ABHD12: variants seen among roughly 807,000 people sequenced by gnomAD.
ABHD12 encodes the protein lysophosphatidylserine lipase ABHD12.
In ABHD12, 43 loss-of-function variants were observed where a neutral mutation model predicts 58.3. The observed-to-expected ratio is 0.74, with a 90% CI of 0.58 to 0.95. The LOEUF (loss-of-function observed/expected upper bound fraction) is 0.95. ABHD12 is among the 40% of genes least tolerant of loss of function. The probability of loss-of-function intolerance (pLI) is 0.00; values close to 1 mark genes in which losing one functional copy is unlikely to be tolerated. For missense variants in ABHD12, 539 were observed against 537.2 expected (o/e 1.00, Z -0.03); for synonymous variants, 219 against 211.2 (o/e 1.04, Z -0.32).
chr20:25,297,171 G>C (rs1220276762), downstream of ABHD12: 1 of 152,756 alleles, frequency 6.5e-6, no homozygotes, highest in East Asian at 1.9e-4. Flanking sequence ...GTGGGTGCTT[G>C]GAACCCGGGA....
intron 1 of ABHD12, among the ~76,000 whole-genome samples, chr20:25,351,440 T>C (rs1279966048): frequency 2.0e-5 from 3 of 152,234 alleles, no homozygotes; most frequent in Non-Finnish European, 2.9e-5. Flanking sequence ...ACAGTGTGTG[T>C]CTTGTTCCCA....
chr20:25,349,761 G>A (rs913611360), intron 1 of ABHD12, among the ~76,000 whole-genome samples: 2 of 152,166 alleles, frequency 1.3e-5, no homozygotes, highest in African/African-American at 4.8e-5. Flanking sequence ...AAATGGGGAG[G>A]TATTGCTTAA....
chr20:25,343,983 G>A (rs2146045809), intron 1 of ABHD12, among the ~76,000 whole-genome samples: 1 of 152,176 alleles, frequency 6.6e-6, no homozygotes, highest in South Asian at 2.1e-4. Context: ...ATCAATTAAT[G>A]TAATACATCA....
At chr20:25,361,344 T>C (rs560213394) in intron 1 of ABHD12, among the ~76,000 whole-genome samples, 13 of 152,346 alleles carry the variant, frequency 8.5e-5, no homozygotes, top group African/African-American at 3.1e-4. Context: ...TCCACTTAAA[T>C]ATTATGTCTC....
At chr20:25,359,884 A>G (rs1331935449) in intron 1 of ABHD12, among the ~76,000 whole-genome samples, 1 of 152,192 alleles carries the variant, frequency 6.6e-6, no homozygotes, top group Non-Finnish European at 1.5e-5. Context: ...AACTTTTTAT[A>G]TTAAGGATGC....
intron 1 of ABHD12, among the ~76,000 whole-genome samples, chr20:25,373,547 A>G (rs554113344): frequency 6.7e-6 from 1 of 148,850 alleles, no homozygotes; most frequent in South Asian, 2.1e-4. Flanking sequence ...ACACCGTCTC[A>G]AAAAAAAAAA....
At chr20:25,296,150 C>T (rs1399764595), downstream of ABHD12, among the ~76,000 whole-genome samples, 1 of 152,154 alleles carries the variant, frequency 6.6e-6, no homozygotes, top group Non-Finnish European at 1.5e-5. Context: ...CTGGGACCTT[C>T]TCTCCAGCTC....
intron 1 of ABHD12, among the ~76,000 whole-genome samples, chr20:25,340,395 A>G (rs539626893): frequency 6.6e-6 from 1 of 152,372 alleles, no homozygotes; most frequent in Non-Finnish European, 1.5e-5. Context: ...TGACTCTCCT[A>G]TCTGCTTCTG....
At chr20:25,339,527 A>G (rs2089426115) in intron 1 of ABHD12, 176 bp from the exon 2 acceptor site, 4 of 1,388,176 alleles carry the variant, frequency 2.9e-6, no homozygotes, top group Admixed American at 2.0e-5. Flanking sequence ...ATTATTTTAC[A>G]TAGTCTTTTA....
At chr20:25,381,473 A>G (rs939029826) in intron 1 of ABHD12, among the ~76,000 whole-genome samples, 4 of 152,216 alleles carry the variant, frequency 2.6e-5, no homozygotes, top group South Asian at 2.1e-4. Flanking sequence ...TAGTATTGCT[A>G]CAAATGCTCT....
intron 1 of ABHD12, among the ~76,000 whole-genome samples, chr20:25,341,735 G>A (rs1034718236): frequency 6.6e-5 from 10 of 152,078 alleles, no homozygotes; most frequent in African/African-American, 9.7e-5. Flanking sequence ...CACAGCTAAC[G>A]GCCCTGGCAG....
chr20:25,350,027 A>C (rs1292406719), intron 1 of ABHD12, among the ~76,000 whole-genome samples: 1 of 152,212 alleles, frequency 6.6e-6, no homozygotes, highest in African/African-American at 2.4e-5. Flanking sequence ...AGTGAGGATA[A>C]AAGAGGGGCT....
At chr20:25,352,144 A>G (rs550303148) in intron 1 of ABHD12, among the ~76,000 whole-genome samples, 2 of 151,768 alleles carry the variant, frequency 1.3e-5, no homozygotes, top group Non-Finnish European at 2.9e-5. Context: ...GGTGCCTGCC[A>G]CCATTCCTGG....
At chr20:25,364,988 G>A (rs2089800073) in intron 1 of ABHD12, among the ~76,000 whole-genome samples, 1 of 152,126 alleles carries the variant, frequency 6.6e-6, no homozygotes, top group African/African-American at 2.4e-5. Context: ...CCTAGCTGGG[G>A]GCTACATTTC....
At chr20:25,327,398 C>T (rs2089194446) in intron 2 of ABHD12, among the ~76,000 whole-genome samples, 1 of 150,016 alleles carries the variant, frequency 6.7e-6, no homozygotes, top group Admixed American at 6.7e-5. Context: ...ACCCGGGAGT[C>T]AGAGATTGCA....
At chr20:25,325,008 C>T (rs1356056245) in intron 2 of ABHD12, among the ~76,000 whole-genome samples, 1 of 148,498 alleles carries the variant, frequency 6.7e-6, no homozygotes, top group Non-Finnish European at 1.5e-5. Flanking sequence ...TTTTTTGATA[C>T]CAGCCTGGGC....
At chr20:25,345,444 A>T (rs1290927302) in intron 1 of ABHD12, among the ~76,000 whole-genome samples, 4 of 152,184 alleles carry the variant, frequency 2.6e-5, no homozygotes, top group Admixed American at 6.5e-5. Flanking sequence ...AATATTAACA[A>T]GCTAGGTTTC....
downstream of ABHD12, chr20:25,297,096 C>A: frequency 6.3e-6 from 1 of 157,766 alleles, no homozygotes; most frequent in Non-Finnish European, 1.4e-5. Context: ...CCTGGCTCTG[C>A]ACCTGGTATA....
chr20:25,383,368 CCAG>C (rs2146137017), intron 1 of ABHD12, among the ~76,000 whole-genome samples: 1 of 152,306 alleles, frequency 6.6e-6, no homozygotes, highest in South Asian at 2.1e-4. Flanking sequence ...CTCTGTCAAT[CCAG>C]CAGATCTGGC....
Sources: allele counts gnomAD v4.1 joint callset (sites outside exome capture counted in the v4.1 genomes callset), GRCh38; gene constraint gnomAD v4.1.1; transcripts MANE v1.5; gene names NCBI Gene and HGNC (gene_info 2026-07-23, HGNC 2026-07-21).